Variants in RTL4 observed in about 807,000 individuals in gnomAD.
RTL4 encodes the protein retrotransposon Gag like 4.
In RTL4, 4 loss-of-function variants were observed where a neutral mutation model predicts 5.3. The ratio of observed to expected loss-of-function variants is 0.75; its 90% CI spans 0.37 to 1.72. The LOEUF (loss-of-function observed/expected upper bound fraction) is 1.72, where lower values mean the gene tolerates loss of function less well. RTL4 is among the 40% of genes most tolerant of loss of function. The pLI is 0.04. For missense variants in RTL4, 260 were observed against 227.1 expected (o/e 1.14, Z -0.93); for synonymous variants, 98 against 87.3 (o/e 1.12, Z -0.68).
chrX:112,265,692 CT>C, the RTL4 span, among the ~76,000 whole-genome samples: 33 of 111,402 alleles, frequency 3.0e-4, no homozygotes, highest in African/African-American at 1.0e-3. Flanking sequence ...CTTCTTGCCC[CT>C]GATCTTGCAA....
chrX:112,245,351 T>C, the RTL4 span, among the ~76,000 whole-genome samples: 1 of 111,934 alleles, frequency 8.9e-6, no homozygotes, highest in Non-Finnish European at 1.9e-5. Flanking sequence ...GTAGATTTGG[T>C]CTTTTCACAT....
At chrX:112,294,363 G>A in the RTL4 span, among the ~76,000 whole-genome samples, 82 of 111,364 alleles carry the variant, frequency 7.4e-4, 1 homozygote, top group South Asian at 1.5e-3. Flanking sequence ...TTGGGAGGCC[G>A]ATGCAGGCAG....
At chrX:112,390,669 G>GCCTGATGGGGTTCCCTTTGGTAA in the RTL4 span, among the ~76,000 whole-genome samples, 4 of 110,468 alleles carry the variant, frequency 3.6e-5, no homozygotes, top group South Asian at 3.9e-4. Flanking sequence ...TCTGCAGGTA[G>GCCTGATGGGGTTCCCTTTGGTAA]CCTGATGGGG....
chrX:112,345,950 T>C, the RTL4 span, among the ~76,000 whole-genome samples: 2 of 112,016 alleles, frequency 1.8e-5, no homozygotes, highest in Non-Finnish European at 3.8e-5. Context: ...TATGATGATT[T>C]ATCATTAGGA....
the RTL4 span, among the ~76,000 whole-genome samples, chrX:112,160,426 C>G: frequency 3.6e-5 from 4 of 112,057 alleles, no homozygotes; most frequent in Non-Finnish European, 5.6e-5. Context: ...CAAGCTTTAT[C>G]TAAACTTCTT....
the RTL4 span, among the ~76,000 whole-genome samples, chrX:112,085,567 G>A: frequency 3.6e-5 from 4 of 111,332 alleles, no homozygotes; most frequent in African/African-American, 1.3e-4. Flanking sequence ...TTTTGTTGGG[G>A]GGCTGCCCTG....
the RTL4 span, among the ~76,000 whole-genome samples, chrX:112,415,206 T>C: frequency 9.0e-6 from 1 of 111,728 alleles, no homozygotes; most frequent in African/African-American, 3.2e-5. Context: ...CCCTTCTCAA[T>C]TACTTTTTCC....
chrX:112,389,465 T>C, the RTL4 span, among the ~76,000 whole-genome samples: 1 of 111,306 alleles, frequency 9.0e-6, no homozygotes, highest in Non-Finnish European at 1.9e-5. Flanking sequence ...TGTTCTTGCT[T>C]ATCTAATTTT....
chrX:112,169,029 TTTCTTTC>T, the RTL4 span, among the ~76,000 whole-genome samples: 352 of 28,068 alleles, frequency 0.013, 4 homozygotes, highest in African/African-American at 0.036. Flanking sequence ...TCTCTTTCTC[TTTCTTTC>T]TTTCTTTCTT....
chrX:112,296,252 A>G, the RTL4 span, among the ~76,000 whole-genome samples: 3 of 111,721 alleles, frequency 2.7e-5, no homozygotes, highest in African/African-American at 9.8e-5. Context: ...TTATTCTCTG[A>G]GTTGCCTTAA....
the RTL4 span, among the ~76,000 whole-genome samples, chrX:112,254,150 T>C: frequency 4.4e-4 from 49 of 111,682 alleles, no homozygotes; most frequent in African/African-American, 1.5e-3. Context: ...CCCATCCTAC[T>C]GCATCCCTAA....
the RTL4 span, among the ~76,000 whole-genome samples, chrX:112,302,785 C>T: frequency 3.6e-5 from 4 of 112,637 alleles, no homozygotes; most frequent in South Asian, 1.1e-3. Context: ...GGGCCCCACT[C>T]TTAAGTAGTT....
the RTL4 span, among the ~76,000 whole-genome samples, chrX:112,302,151 C>T: frequency 8.1e-4 from 87 of 107,924 alleles, no homozygotes; most frequent in African/African-American, 2.8e-3. Context: ...GTCCCAGCTA[C>T]TTGGGAGGAT....
the RTL4 span, among the ~76,000 whole-genome samples, chrX:112,147,492 C>T: frequency 8.9e-6 from 1 of 111,899 alleles, no homozygotes; most frequent in Non-Finnish European, 1.9e-5. Context: ...GCCACTAGTC[C>T]ATATGGGACA....
the RTL4 span, among the ~76,000 whole-genome samples, chrX:112,355,216 T>C: frequency 2.7e-5 from 3 of 111,596 alleles, no homozygotes; most frequent in African/African-American, 6.5e-5. Context: ...CTTCGAATTA[T>C]TGATTCCTTA....
At chrX:112,254,351 G>A in the RTL4 span, among the ~76,000 whole-genome samples, 14 of 107,649 alleles carry the variant, frequency 1.3e-4, no homozygotes, top group Non-Finnish European at 2.7e-4. Flanking sequence ...TTTTTTTTGA[G>A]ACGGAGTCTG....
At chrX:112,121,489 C>T in the RTL4 span, among the ~76,000 whole-genome samples, 1 of 111,640 alleles carries the variant, frequency 9.0e-6, no homozygotes, top group Non-Finnish European at 1.9e-5. Context: ...TTGAAAATCT[C>T]TCCATAGGTA....
chrX:112,321,312 C>T, the RTL4 span, among the ~76,000 whole-genome samples: 7 of 111,149 alleles, frequency 6.3e-5, no homozygotes, highest in South Asian at 3.8e-4. Context: ...CCAAGGTGGG[C>T]GGATCACGAG....
the RTL4 span, among the ~76,000 whole-genome samples, chrX:112,291,828 C>T: frequency 1.8e-5 from 2 of 110,720 alleles, no homozygotes; most frequent in Non-Finnish European, 3.8e-5. Context: ...ATCTCCTGAC[C>T]TCGTAATCCG....
Sources: allele counts gnomAD v4.1 joint callset (sites outside exome capture counted in the v4.1 genomes callset), GRCh38; gene constraint gnomAD v4.1.1; transcripts MANE v1.5; gene names NCBI Gene and HGNC (gene_info 2026-07-23, HGNC 2026-07-21).